Variants in TNPO1 observed in about 807,000 individuals in gnomAD.
TNPO1 encodes the protein transportin-1.
Under a neutral mutation model 119.5 loss-of-function variants are expected in TNPO1, and 8 were observed. The observed-to-expected ratio is 0.07, with a 90% CI of 0.04 to 0.12. The LOEUF (loss-of-function observed/expected upper bound fraction) is 0.12. Ranked by LOEUF, TNPO1 falls within the 10% of genes least tolerant of loss-of-function variation. TNPO1 has a pLI of 1.00. For synonymous variants in TNPO1, 362 were observed against 363.0 expected (o/e 1.00, Z 0.03); for missense variants, 576 against 1,089.8 (o/e 0.53, Z 6.64).
chr5:72,865,542 T>C lies in TNPO1; in HGVS notation c.463-54T>C, dbSNP rs188673212. ...ATTAATCAGCATTCTTCAGTTTGTTTTCAAATGGCTTCATTTTTAACAAAT... is the reference window on the plus strand; with the variant it reads ...ATTAATCAGCATTCTTCAGTTTGTTCTCAAATGGCTTCATTTTTAACAAAT... On this transcript the variant is annotated intron_variant, in intron 5 of 24. Transcript: ENST00000337273. The C allele has an allele frequency of 1.1e-5, 17 of 1,593,898 alleles. No homozygotes were observed. The Admixed American group carries it at 2.9e-4, about 27-fold the overall frequency.
At chr5:72,818,719 G>T (rs1743808757) in intron 1 of TNPO1, among the ~76,000 whole-genome samples, 1 of 152,206 alleles carries the variant, frequency 6.6e-6, no homozygotes, top group East Asian at 1.9e-4. Flanking sequence ...AATACATATT[G>T]GTGCTAAAAA....
Position 72,868,356 on chromosome 5 carries a change from T to C in TNPO1, c.596+2627T>C, listed in dbSNP as rs981526090. ...CTGAGGCAGGAGAATGGCATGAACCTGGGAGACGGAGCTTGCAGTGAGCTG... is the reference window on the plus strand; with the variant it reads ...CTGAGGCAGGAGAATGGCATGAACCCGGGAGACGGAGCTTGCAGTGAGCTG... On this transcript the variant is annotated intron_variant, in intron 6 of 24. Coordinates refer to ENST00000337273, the MANE Select transcript of TNPO1 (RefSeq NM_002270.4). Among the ~76,000 whole-genome samples the C allele has an allele frequency of 2.0e-4, 26 of 127,076 alleles. 1 individual carries two copies. The Admixed American group carries it at 2.4e-3, about 12-fold the overall frequency. 83.4% of individuals were successfully genotyped at this position (127,076 alleles called of 152,430 possible).
intron 5 of TNPO1, among the ~76,000 whole-genome samples, chr5:72,863,198 G>A (rs937224681): frequency 6.6e-6 from 1 of 151,990 alleles, no homozygotes; most frequent in Non-Finnish European, 1.5e-5. Flanking sequence ...ACCATATTTG[G>A]TGTTTTGACT....
intron 5 of TNPO1, among the ~76,000 whole-genome samples, chr5:72,864,564 A>T (rs889596498): frequency 1.2e-4 from 18 of 152,166 alleles, no homozygotes; most frequent in Admixed American, 6.5e-5. Context: ...TTACCCAGTG[A>T]ATACTTTTAT....
chr5:72,884,141 CA>C (rs1748454739), intron 11 of TNPO1, among the ~76,000 whole-genome samples: 1 of 152,110 alleles, frequency 6.6e-6, no homozygotes, highest in Non-Finnish European at 1.5e-5. Context: ...GAGAAATAAC[CA>C]GGATGTTTTC....
Position 72,893,369 on chromosome 5 carries a change from A to C in TNPO1, c.1897-8A>C, listed in dbSNP as rs773355071. On this transcript the variant is annotated splice_region_variant and splice_polypyrimidine_tract_variant and intron_variant, in intron 16 of 24. Coordinates refer to ENST00000337273, the MANE Select transcript of TNPO1 (RefSeq NM_002270.4). Reference sequence around the variant, plus strand: ...CAAACTTACAAAAAACATTGTGTCTAATTTCAGCTAAACAATGCTCAACCA... The same window carrying C: ...CAAACTTACAAAAAACATTGTGTCTCATTTCAGCTAAACAATGCTCAACCA... 1.2e-6 allele frequency: 2 copies of C among 1,611,610 alleles called. No individual in the cohort carries two copies. The highest frequency in any genetic ancestry group is 1.3e-5 in the African/African-American group (1 of 74,676).
rs1435579625 is a variant in TNPO1, at chr5:72,848,051, A to C, written c.16-334A>C. On this transcript the variant is annotated intron_variant, in intron 1 of 24. Coordinates refer to ENST00000337273, the MANE Select transcript of TNPO1 (RefSeq NM_002270.4). Reference sequence around the variant, plus strand: ...AATTAGAGATGGGTTGGGTTGGAGAAAACTGCGTGGCACTAGGACCCAGGG... The same window carrying C: ...AATTAGAGATGGGTTGGGTTGGAGACAACTGCGTGGCACTAGGACCCAGGG... 3 of 1,053,006 alleles carry C rather than the reference A, an allele frequency of 2.8e-6. No individual in the cohort carries two copies. The East Asian group carries it at 2.4e-4, about 85-fold the overall frequency. 65.2% of individuals were successfully genotyped at this position (1,053,006 alleles called of 1,614,324 possible).
At chr5:72,848,828 C>T (rs1745312805) in intron 2 of TNPO1, among the ~76,000 whole-genome samples, 1 of 150,104 alleles carries the variant, frequency 6.7e-6, no homozygotes, top group African/African-American at 2.4e-5. Flanking sequence ...TCCCCGCCCG[C>T]CGCTGACCTG....
At chr5:72,884,202 C>G (rs1460141694) in intron 11 of TNPO1, among the ~76,000 whole-genome samples, 1 of 152,102 alleles carries the variant, frequency 6.6e-6, no homozygotes, top group African/African-American at 2.4e-5. Context: ...CTGGAGGGTT[C>G]CAGTTTCTTC....
At chr5:72,877,152 G>A (rs897093448) in intron 8 of TNPO1, 76 bp from the exon 9 acceptor site, 22 of 716,852 alleles carry the variant, frequency 3.1e-5, no homozygotes, top group Non-Finnish European at 4.4e-5. Context: ...TCAAAAGCTT[G>A]CTTGATAATA....
chr5:72,851,632 C>T (rs1025597454), intron 3 of TNPO1, among the ~76,000 whole-genome samples: 9 of 152,168 alleles, frequency 5.9e-5, no homozygotes, highest in South Asian at 4.1e-4. Flanking sequence ...GCCGGGATTA[C>T]AGGCATGCGC....
rs780632600 is a variant in TNPO1 at position 72,848,484 on chromosome 5, A to G, written c.115A>G (p.Arg39Gly). Residue 39 changes from arginine to glycine, a missense_variant, in exon 2 of 25, where the codon AGA (arginine) becomes GGA (glycine). By Grantham distance (125) the Arg-to-Gly change is moderately radical (BLOSUM62 -2). This residue lies in a region of TNPO1 where 57 missense variants were observed against 59.5 expected (regional missense o/e 0.96). Transcript: ENST00000337273. ...CCAGTCCCCAGACACCACCATCCAG[A>G]GAACCGTGCAACAAGTATCCTTTCC... ...ESQSPDTTIQ[R>G]TVQQKLEQLN... is the part of the protein sequence containing the mutation. 1.9e-6 allele frequency: 3 copies of G among 1,603,830 alleles called. No homozygotes were observed. Among genetic ancestry groups the G allele is most frequent in the Admixed American group, 1.7e-5 (1 of 58,896 alleles).
chr5:72,871,664 T>C (rs1747414439), intron 6 of TNPO1: 1 of 152,014 alleles, frequency 6.6e-6, no homozygotes, highest in Admixed American at 6.6e-5. Flanking sequence ...AGGAAGTGAG[T>C]CTATGAAAGA....
chr5:72,853,235 C>A (rs756806658), intron 3 of TNPO1, among the ~76,000 whole-genome samples: 4 of 152,122 alleles, frequency 2.6e-5, no homozygotes, highest in Non-Finnish European at 5.9e-5. Context: ...AAGATTGCTT[C>A]AGGCAAGGAG....
At chr5:72,902,227 C>G (rs1220536412) in intron 22 of TNPO1, among the ~76,000 whole-genome samples, 1 of 152,110 alleles carries the variant, frequency 6.6e-6, no homozygotes, top group Non-Finnish European at 1.5e-5. Flanking sequence ...TTGAAACTTT[C>G]CACTCCGAGA....
At chr5:72,853,898 A>G (rs1437544287) in intron 3 of TNPO1, among the ~76,000 whole-genome samples, 1 of 152,230 alleles carries the variant, frequency 6.6e-6, no homozygotes, top group African/African-American at 2.4e-5. Context: ...TTGAGGGTAC[A>G]CTGAAGTAGT....
At chr5:72,886,310 G>A (rs538098519) in intron 11 of TNPO1, among the ~76,000 whole-genome samples, 7 of 152,246 alleles carry the variant, frequency 4.6e-5, no homozygotes, top group African/African-American at 1.7e-4. Flanking sequence ...TCCAGTTTTT[G>A]TGTCTAAAGT....
At chr5:72,882,957 G>C (rs1055093559) in intron 10 of TNPO1, 107 bp from the exon 11 acceptor site, 7 of 820,524 alleles carry the variant, frequency 8.5e-6, no homozygotes, top group Non-Finnish European at 1.2e-5. Flanking sequence ...GTATATTTCA[G>C]AATTCTGTGC....
chr5:72,841,253 G>A (rs1371877591), intron 1 of TNPO1, among the ~76,000 whole-genome samples: 1 of 151,690 alleles, frequency 6.6e-6, no homozygotes, highest in African/African-American at 2.4e-5. Flanking sequence ...CCCTAGTAGG[G>A]ATTACAGGCG....
Sources: allele counts gnomAD v4.1 joint callset (sites outside exome capture counted in the v4.1 genomes callset), GRCh38; gene constraint gnomAD v4.1.1; regional missense constraint gnomAD v4.1.1; transcripts MANE v1.5; gene names NCBI Gene and HGNC (gene_info 2026-07-23, HGNC 2026-07-21).